Variants in MEIKIN observed in about 807,000 individuals in gnomAD.
The protein encoded by MEIKIN is meiotic kinetochore factor, also known as meiosis-specific kinetochore protein.
intron 4 of MEIKIN, among the ~76,000 whole-genome samples, chr5:131,939,056 G>T (rs1344296616): frequency 6.6e-6 from 1 of 152,146 alleles, no homozygotes; most frequent in Non-Finnish European, 1.5e-5. Context: ...GGGGTCTGGG[G>T]ATTTCACATC....
chr5:131,918,568 C>T (rs1279971714), intron 6 of MEIKIN, among the ~76,000 whole-genome samples: 1 of 152,158 alleles, frequency 6.6e-6, no homozygotes, highest in Admixed American at 6.6e-5. Context: ...TTCTTAGTGG[C>T]AGGCTCTAAT....
chr5:131,898,682 A>T (rs1220332860), intron 8 of MEIKIN, among the ~76,000 whole-genome samples: 1 of 152,224 alleles, frequency 6.6e-6, no homozygotes, highest in Non-Finnish European at 1.5e-5. Context: ...CAATCTCAGG[A>T]TGCTGCGCTA....
At chr5:131,868,675 C>G (rs944215290) in intron 9 of MEIKIN, among the ~76,000 whole-genome samples, 1 of 149,678 alleles carries the variant, frequency 6.7e-6, no homozygotes, top group Non-Finnish European at 1.5e-5. Flanking sequence ...CAGGCTCATG[C>G]GATCCTCCCA....
chr5:131,820,141 A>T (rs1161126851), intron 11 of MEIKIN, among the ~76,000 whole-genome samples: 2 of 138,064 alleles, frequency 1.4e-5, no homozygotes, highest in Non-Finnish European at 3.1e-5. Flanking sequence ...GTGTGTTCTC[A>T]GCTCACTGCA....
At chr5:131,815,048 T>C (rs1470616191) in intron 12 of MEIKIN, among the ~76,000 whole-genome samples, 1 of 152,204 alleles carries the variant, frequency 6.6e-6, no homozygotes, top group Non-Finnish European at 1.5e-5. Flanking sequence ...AGACCCTCGA[T>C]ACAGATTTGC....
chr5:131,900,512 C>T (rs559786064), intron 8 of MEIKIN, among the ~76,000 whole-genome samples: 2 of 152,176 alleles, frequency 1.3e-5, no homozygotes, highest in South Asian at 4.2e-4. Flanking sequence ...AGGGGCAGAA[C>T]TCCAGCTGGT....
intron 12 of MEIKIN, among the ~76,000 whole-genome samples, chr5:131,817,334 G>A (rs867672742): frequency 1.2e-4 from 19 of 152,150 alleles, no homozygotes; most frequent in South Asian, 1.2e-3. Context: ...CTCACTGGCC[G>A]GGCACGGTGG....
At chr5:131,889,718 G>A (rs1485097524) in intron 8 of MEIKIN, among the ~76,000 whole-genome samples, 1 of 152,120 alleles carries the variant, frequency 6.6e-6, no homozygotes, top group Non-Finnish European at 1.5e-5. Flanking sequence ...TCTTCTGCCT[G>A]ATGGCCCTGA....
chr5:131,901,549 A>G (rs1469336086), intron 8 of MEIKIN, among the ~76,000 whole-genome samples: 1 of 152,116 alleles, frequency 6.6e-6, no homozygotes, highest in Non-Finnish European at 1.5e-5. Context: ...TACAAATCCC[A>G]CTGCCACTGC....
chr5:131,901,317 A>C (rs1369291295), intron 8 of MEIKIN, among the ~76,000 whole-genome samples: 1 of 152,022 alleles, frequency 6.6e-6, no homozygotes, highest in Non-Finnish European at 1.5e-5. Context: ...ACCTGTACAG[A>C]TGGCACACAG....
At chr5:131,850,659 A>G (rs543188592) in intron 11 of MEIKIN, among the ~76,000 whole-genome samples, 7 of 152,254 alleles carry the variant, frequency 4.6e-5, no homozygotes, top group African/African-American at 1.4e-4. Context: ...ACCTAATACT[A>G]TACACAAAAA....
At chr5:131,890,111 T>C (rs1750882177) in intron 8 of MEIKIN, among the ~76,000 whole-genome samples, 1 of 152,220 alleles carries the variant, frequency 6.6e-6, no homozygotes, top group Admixed American at 6.5e-5. Flanking sequence ...GGATTCAGTT[T>C]GCCAGTATTT....
At chr5:131,943,581 CTATT>C (rs1211965907) in intron 3 of MEIKIN, among the ~76,000 whole-genome samples, 1 of 152,030 alleles carries the variant, frequency 6.6e-6, no homozygotes, top group Non-Finnish European at 1.5e-5. Context: ...TTTTTGAAGA[CTATT>C]TAATGTATGG....
intron 8 of MEIKIN, among the ~76,000 whole-genome samples, chr5:131,889,112 A>G (rs1190376107): frequency 2.6e-5 from 4 of 152,148 alleles, no homozygotes; most frequent in African/African-American, 7.2e-5. Context: ...TGGTTACTGT[A>G]GCCTTGTAGT....
At chr5:131,883,499 A>G (rs1232618431) in intron 8 of MEIKIN, among the ~76,000 whole-genome samples, 1 of 152,236 alleles carries the variant, frequency 6.6e-6, no homozygotes, top group Non-Finnish European at 1.5e-5. Flanking sequence ...ACAGCAAGAA[A>G]AACAACCATT....
intron 9 of MEIKIN, among the ~76,000 whole-genome samples, chr5:131,856,974 T>C (rs888732856): frequency 6.6e-6 from 1 of 151,616 alleles, no homozygotes; most frequent in Non-Finnish European, 1.5e-5. Context: ...ATTTTTATTA[T>C]ACTTTAAGTT....
chr5:131,832,583 C>T (rs1749733957), intron 11 of MEIKIN, among the ~76,000 whole-genome samples: 1 of 152,198 alleles, frequency 6.6e-6, no homozygotes, highest in African/African-American at 2.4e-5. Flanking sequence ...TGTATGGGGA[C>T]TCCAACCCCA....
At chr5:131,894,612 T>C (rs948979778) in intron 8 of MEIKIN, among the ~76,000 whole-genome samples, 2 of 152,274 alleles carry the variant, frequency 1.3e-5, no homozygotes, top group East Asian at 1.9e-4. Context: ...AGAGGTCATT[T>C]GCATCCCTTG....
At chr5:131,929,519 G>T (rs1240400242) in intron 5 of MEIKIN, among the ~76,000 whole-genome samples, 21 of 151,922 alleles carry the variant, frequency 1.4e-4, no homozygotes, top group Admixed American at 1.4e-3. Context: ...AATGCTAAAT[G>T]ACCTTTATTT....
Sources: gnomAD v4.1 joint callset for allele counts (sites outside exome capture counted in the v4.1 genomes callset) on GRCh38, gnomAD v4.1.1 for gene constraint, MANE v1.5 for transcripts, NCBI Gene and HGNC (gene_info 2026-07-23, HGNC 2026-07-21) for gene names.